The following SAMD3 variants were observed in gnomAD, a reference collection of about 807,000 sequenced individuals.
The protein encoded by SAMD3 is sterile alpha motif domain-containing protein 3.
In SAMD3, 63 loss-of-function variants were observed where a neutral mutation model predicts 58.5. The ratio of observed to expected loss-of-function variants is 1.08; its 90% CI spans 0.88 to 1.33. SAMD3 has a LOEUF of 1.33. Among genes scored for constraint, SAMD3 ranks in the 40% most tolerant of loss-of-function variants. SAMD3 has a pLI of 0.00. For missense variants in SAMD3, 604 were observed against 608.4 expected, an observed-to-expected ratio of 0.99 and a Z score of 0.08; for synonymous variants, 220 against 210.3, an observed-to-expected ratio of 1.05 and a Z score of -0.40.
At chr6:130,245,652 C>A (rs372387861) in intron 2 of SAMD3, among the ~76,000 whole-genome samples, 5 of 152,326 alleles carry the variant, frequency 3.3e-5, no homozygotes, top group African/African-American at 9.6e-5. Context: ...GCTTAAGCTT[C>A]TTCTCAACCT....
chr6:130,304,295 G>A (rs1253337567), intron 2 of SAMD3, among the ~76,000 whole-genome samples: 3 of 152,048 alleles, frequency 2.0e-5, no homozygotes, highest in African/African-American at 7.2e-5. Context: ...TCAGCCTCCT[G>A]AGTAGCTGGG....
chr6:130,152,042 T>C (rs941708277), intron 9 of SAMD3, among the ~76,000 whole-genome samples: 1 of 152,050 alleles, frequency 6.6e-6, no homozygotes, highest in Non-Finnish European at 1.5e-5. Context: ...AAAGAAAGTT[T>C]TTTGAGGAAG....
intron 5 of SAMD3, among the ~76,000 whole-genome samples, chr6:130,202,410 T>G (rs2114792362): frequency 6.6e-6 from 1 of 152,342 alleles, no homozygotes; most frequent in East Asian, 1.9e-4. Flanking sequence ...TCTATTTTTC[T>G]CCTTACATTA....
chr6:130,176,927 G>A (rs75880211), intron 7 of SAMD3, among the ~76,000 whole-genome samples: 1,915 of 152,142 alleles, frequency 0.013, 41 homozygotes, highest in African/African-American at 0.044. Context: ...TGGGAGAGAG[G>A]AGCCAGCCCA....
chr6:130,247,482 G>A (rs73605907), intron 2 of SAMD3, among the ~76,000 whole-genome samples: 124 of 142,538 alleles, frequency 8.7e-4, no homozygotes, highest in African/African-American at 2.6e-3. Flanking sequence ...AAAAAAAAAA[G>A]GAAAATGTTC....
intron 8 of SAMD3, among the ~76,000 whole-genome samples, chr6:130,163,495 G>T (rs945139041): frequency 1.3e-5 from 2 of 152,166 alleles, no homozygotes; most frequent in Non-Finnish European, 2.9e-5. Context: ...TCAATCAGCA[G>T]GCAGAGTTTC....
chr6:130,155,081 T>A (rs1789659446), intron 8 of SAMD3, 56 bp from the exon 9 acceptor site: 1 of 1,445,890 alleles, frequency 6.9e-7, no homozygotes, highest in Non-Finnish European at 9.7e-7. Flanking sequence ...AAACTTGAAT[T>A]TCAGGCTGTT....
chr6:130,239,195 C>G (rs1773269799), intron 2 of SAMD3, among the ~76,000 whole-genome samples: 1 of 152,166 alleles, frequency 6.6e-6, no homozygotes, highest in South Asian at 2.1e-4. Flanking sequence ...AGCTACCTTG[C>G]AAATGGAGAT....
At chr6:130,235,727 G>A (rs970529410) in intron 2 of SAMD3, among the ~76,000 whole-genome samples, 2 of 152,054 alleles carry the variant, frequency 1.3e-5, no homozygotes, top group East Asian at 1.9e-4. Context: ...TTTATGAAAC[G>A]AGTAAGTATA....
At chr6:130,270,681 G>A (rs1330282233) in intron 2 of SAMD3, among the ~76,000 whole-genome samples, 2 of 152,130 alleles carry the variant, frequency 1.3e-5, no homozygotes, top group African/African-American at 4.8e-5. Flanking sequence ...CCTGCATATG[G>A]TCTTACAGAT....
chr6:130,276,039 A>AGGTG (rs1424150197), intron 2 of SAMD3, among the ~76,000 whole-genome samples: 1 of 152,180 alleles, frequency 6.6e-6, no homozygotes, highest in Non-Finnish European at 1.5e-5. Flanking sequence ...TATGTAATCT[A>AGGTG]GGTGGGCTTA....
intron 9 of SAMD3, among the ~76,000 whole-genome samples, chr6:130,153,083 G>A (rs1316904033): frequency 2.0e-5 from 3 of 152,314 alleles, no homozygotes; most frequent in East Asian, 1.9e-4. Context: ...TTACATTGCT[G>A]TGTCACACGT....
At chr6:130,303,182 G>A (rs1309872823) in intron 2 of SAMD3, among the ~76,000 whole-genome samples, 1 of 152,072 alleles carries the variant, frequency 6.6e-6, no homozygotes, top group East Asian at 1.9e-4. Flanking sequence ...ATTGTTCAGG[G>A]GCAGCATGTC....
chr6:130,269,495 G>A (rs895278117), intron 2 of SAMD3, among the ~76,000 whole-genome samples: 26 of 152,058 alleles, frequency 1.7e-4, no homozygotes, highest in African/African-American at 5.1e-4. Flanking sequence ...TTGAATTTAC[G>A]AACATAAAGT....
chr6:130,227,907 C>T (rs1311206100), upstream of SAMD3, among the ~76,000 whole-genome samples: 1 of 152,012 alleles, frequency 6.6e-6, no homozygotes, highest in African/African-American at 2.4e-5. Context: ...AAAATCCTCT[C>T]GTTTCCTAAA....
intron 1 of SAMD3, among the ~76,000 whole-genome samples, chr6:130,349,275 T>C (rs1777568398): frequency 6.6e-6 from 1 of 151,956 alleles, no homozygotes; most frequent in African/African-American, 2.4e-5. Flanking sequence ...CTTCAAAAAA[T>C]CAATGAATCC....
intron 2 of SAMD3, among the ~76,000 whole-genome samples, chr6:130,279,563 C>T (rs1774910129): frequency 6.7e-6 from 1 of 148,410 alleles, no homozygotes; most frequent in East Asian, 2.0e-4. Flanking sequence ...ACTCTCACTG[C>T]AACCTCCACC....
chr6:130,361,643 G>T (rs925128797), intron 1 of SAMD3, among the ~76,000 whole-genome samples: 7 of 152,154 alleles, frequency 4.6e-5, no homozygotes, highest in Non-Finnish European at 8.8e-5. Context: ...CATGATTATG[G>T]ATGGATAAAT....
At chr6:130,336,538 T>C (rs1777106703) in intron 1 of SAMD3, among the ~76,000 whole-genome samples, 1 of 152,232 alleles carries the variant, frequency 6.6e-6, no homozygotes, top group African/African-American at 2.4e-5. Context: ...CCATATTTTG[T>C]TCCATTCTCA....
Sources: gnomAD v4.1 joint callset for allele counts (sites outside exome capture counted in the v4.1 genomes callset) on GRCh38, gnomAD v4.1.1 for gene constraint, MANE v1.5 for transcripts, NCBI Gene and HGNC (gene_info 2026-07-23, HGNC 2026-07-21) for gene names.